Variants in DNHD1 observed in about 807,000 individuals in gnomAD.
DNHD1 encodes the protein dynein heavy chain domain 1, also known as dynein heavy chain domain-containing protein 1.
In DNHD1, 383 loss-of-function variants were observed where a neutral mutation model predicts 458.1. That is an observed-to-expected ratio of 0.84 (90% CI 0.77 to 0.91). The LOEUF (loss-of-function observed/expected upper bound fraction) is 0.91. DNHD1 is among the 40% of genes least tolerant of loss of function. The pLI, the probability that DNHD1 is intolerant of heterozygous loss-of-function variation, is 0.00. For synonymous variants in DNHD1, 2,203 were observed against 2,376.9 expected (o/e 0.93, Z 2.13); for missense variants, 5,336 against 5,866.1 (o/e 0.91, Z 2.95).
chr11:6,571,799 GC>G lies in DNHD1; in HGVS notation c.14076del (p.Thr4693ProfsTer10). ...PPVSISTQAP[G>X]TSDLPAPADL... ...GTCAGCATCAGCACACAGGCCCCGG[GC>G]ACCAGTGACCTGCCAGCCCCAGCCG... On this transcript the variant is annotated frameshift_variant, in exon 43 of 43. Transcript: ENST00000254579. LOFTEE classifies it high-confidence loss of function. This position sits in a 1 kb window ranked among gnomAD's most constrained non-coding sequence, Gnocchi z 5.0. 2 of 1,613,946 alleles carry G rather than the reference GC, an allele frequency of 1.2e-6. No individual in the cohort carries two copies. Among genetic ancestry groups the G allele is most frequent in the Non-Finnish European group, 1.7e-6 (2 of 1,179,876 alleles).
At chr11:6,547,806 T>G in intron 21 of DNHD1, 57 bp from the exon 22 acceptor site, 1 of 1,542,720 alleles carries the variant, frequency 6.5e-7, no homozygotes, top group South Asian at 1.2e-5. Context: ...TTTTCTTTCT[T>G]TCACCTTCCA....
intron 33 of DNHD1, 31 bp downstream of exon 33, chr11:6,566,022 C>CT: frequency 6.5e-7 from 1 of 1,547,690 alleles, no homozygotes. Context: ...ACCCTGGCCC[C>CT]TTTTTGACTT....
At chr11:6,539,737 C>T in intron 17 of DNHD1, 139 bp from the exon 18 acceptor site, 1 of 760,602 alleles carries the variant, frequency 1.3e-6, no homozygotes. Context: ...TGGTCCCACT[C>T]TCGCTTCATC....
At chr11:6,517,201 CTTGATAGATGTATACA>C (rs1852492368) in intron 7 of DNHD1, among the ~76,000 whole-genome samples, 1 of 152,184 alleles carries the variant, frequency 6.6e-6, no homozygotes, top group Non-Finnish European at 1.5e-5. Flanking sequence ...AATGTGATGA[CTTGATAGATGTATACA>C]TTGTGTAATG....
chr11:6,557,642 G>A lies in DNHD1; in HGVS notation c.8347G>A (p.Val2783Ile). The change falls in exon 25 of 43, where the codon GTA becomes ATA. Residue 2783 changes from valine (V) to isoleucine (I), a missense_variant. Val to Ile is a conservative substitution (Grantham distance 29, BLOSUM62 3). Coordinates refer to ENST00000254579, the MANE Select transcript of DNHD1 (RefSeq NM_144666.3). ...GTRASNYRLQ[V>I]RRSFKTWWQK... ...AAGGGCATCCAACTATAGGCTCCAG[G>A]TAAGGAGATCATTCAAGACTTGGTG... is the stretch of plus-strand genomic sequence containing the variant. 6.4e-7 allele frequency: 1 copy of A among 1,551,734 alleles called. No homozygotes were observed. Among genetic ancestry groups the A allele is most frequent in the Non-Finnish European group, 8.7e-7 (1 of 1,146,994 alleles).
chr11:6,569,000 G>T (rs1051950120), intron 39 of DNHD1, 134 bp downstream of exon 39: 27 of 1,117,766 alleles, frequency 2.4e-5, no homozygotes, highest in Non-Finnish European at 3.1e-5. Flanking sequence ...GTCAAGGAAG[G>T]CTTCTCCAAA....
Position 6,568,858 on chromosome 11 carries a change from G to A in DNHD1, c.12855G>A (p.Arg4285=). 1.2e-6 allele frequency: 2 copies of A among 1,609,194 alleles called. No homozygotes were observed. Among genetic ancestry groups the A allele is most frequent in the Non-Finnish European group, 8.5e-7 (1 of 1,178,092 alleles). Residue 4285 remains arginine (R), a synonymous_variant, in exon 39 of 43, where the codon AGG becomes AGA. Coordinates refer to ENST00000254579, the MANE Select transcript of DNHD1 (RefSeq NM_144666.3). ...QLYGTRLQAH[R]GRWSQVTLTQ... ...ATGGAACAAGGCTGCAGGCACACAG[G>A]GGGCGCTGGTGAGGGACCCCCACCC... is the stretch of plus-strand genomic sequence containing the variant.
chr11:6,502,827 C>A lies in DNHD1; in HGVS notation c.821C>A (p.Ser274Tyr), dbSNP rs1387945941. Residue 274 changes from serine to tyrosine, a missense_variant, in exon 4 of 43, where the codon TCC becomes TAC. Ser to Tyr is a moderately radical substitution (Grantham distance 144, BLOSUM62 -2). This residue lies in a region of DNHD1 where 3,932 missense variants were observed against 4,365.6 expected (regional missense o/e 0.90). Coordinates refer to ENST00000254579, the MANE Select transcript of DNHD1 (RefSeq NM_144666.3). Reference protein sequence around the residue: ...KSSTGFSPETSFLDSQVMTAL... With the variant: ...KSSTGFSPETYFLDSQVMTAL... ...AGCACCGGCTTTTCACCTGAGACTT[C>A]CTTCCTGGATAGCCAGGTGATGACT... The A allele has an allele frequency of 6.2e-7, 1 of 1,613,156 alleles. No individual in the cohort carries two copies. Among genetic ancestry groups the A allele is most frequent in the South Asian group, 1.1e-5 (1 of 90,826 alleles).
Position 6,558,989 on chromosome 11 carries a change from A to C in DNHD1, c.9299A>C (p.His3100Pro). Reference sequence around the variant, plus strand: ...ATCCACCTTTCGGCCACCCACTACCATGAGCACCTGTGCCCTGCATTGCCA... The same window carrying C: ...ATCCACCTTTCGGCCACCCACTACCCTGAGCACCTGTGCCCTGCATTGCCA... ...ALIHLSATHY[H>P]EHLCPALPLV... Residue 3100 changes from histidine (H) to proline (P), a missense_variant, in exon 27 of 43, where the codon CAT becomes CCT. Physicochemically the swap from His to Pro is moderately conservative, Grantham distance 77. Coordinates refer to ENST00000254579, the MANE Select transcript of DNHD1 (RefSeq NM_144666.3). The C allele has an allele frequency of 6.4e-7, 1 of 1,551,618 alleles. No individual in the cohort carries two copies. Among genetic ancestry groups the C allele is most frequent in the African/African-American group, 1.4e-5 (1 of 73,144 alleles).
rs1853639268 is a variant in DNHD1, at chr11:6,563,990, A to G, written c.10150A>G (p.Met3384Val). The part of the protein sequence containing the change: ...TLEHNLALAK[M>V]VEDAQASHNC... Reference sequence around the variant, plus strand: ...GGAGCATAATTTGGCCCTGGCTAAGATGGTGGAGGATGCCCAAGCTTCCCA... The same window carrying G: ...GGAGCATAATTTGGCCCTGGCTAAGGTGGTGGAGGATGCCCAAGCTTCCCA... The change falls in exon 31 of 43, where the codon ATG (methionine) becomes GTG (valine). Residue 3384 changes from methionine to valine, a missense_variant. Physicochemically the swap from Met to Val is conservative, Grantham distance 21. Coordinates refer to ENST00000254579, the MANE Select transcript of DNHD1 (RefSeq NM_144666.3). 6.4e-7 allele frequency: 1 copy of G among 1,551,744 alleles called. No homozygotes were observed. Among genetic ancestry groups the G allele is most frequent in the Non-Finnish European group, 8.7e-7 (1 of 1,147,004 alleles).
intron 28 of DNHD1, among the ~76,000 whole-genome samples, chr11:6,562,404 A>T (rs1189980085): frequency 6.6e-6 from 1 of 152,192 alleles, no homozygotes; most frequent in African/African-American, 2.4e-5. Context: ...AATACACGGT[A>T]TGGGGCAGGG....
Position 6,567,808 on chromosome 11 carries a change from C to A in DNHD1, c.12299C>A (p.Ala4100Asp). 6.2e-7 allele frequency: 1 copy of A among 1,613,608 alleles called. No homozygotes were observed. Among genetic ancestry groups the A allele is most frequent in the Non-Finnish European group, 8.5e-7 (1 of 1,179,882 alleles). ...ILLPPPGHPSATLHPLTVIQK... is the reference protein window; with the variant it reads ...ILLPPPGHPSDTLHPLTVIQK... ...TTGCCACCGCCTGGCCACCCCTCAG[C>A]CACTCTGCATCCTCTGACTGTCATC... The change falls in exon 36 of 43, where the codon GCC becomes GAC. Residue 4100 changes from alanine (A) to aspartate (D), a missense_variant. Transcript: ENST00000254579.
In DNHD1 at chr11:6,528,641, T is replaced by G. The variant is rs1301044961; in HGVS notation, c.1957T>G (p.Ser653Ala). 7.7e-6 allele frequency: 12 copies of G among 1,551,644 alleles called. No individual in the cohort carries two copies. Among genetic ancestry groups the G allele is most frequent in the Non-Finnish European group, 8.7e-6 (10 of 1,146,980 alleles). ...TGTGGGATTGGTGTGGCCCTGGAAGTCTCACCCAATTGCTGGTATCTTGGA... is the reference window on the plus strand; with the variant it reads ...TGTGGGATTGGTGTGGCCCTGGAAGGCTCACCCAATTGCTGGTATCTTGGA... The part of the protein sequence containing the change: ...PNVGLVWPWK[S>A]HPIAGILEVR... The change falls in exon 11 of 43, where the codon TCT becomes GCT. Residue 653 changes from serine to alanine, a missense_variant. This residue lies in a region of DNHD1 where 3,932 missense variants were observed against 4,365.6 expected (regional missense o/e 0.90). Coordinates refer to ENST00000254579, the MANE Select transcript of DNHD1 (RefSeq NM_144666.3).
In DNHD1 at chr11:6,547,590, T is replaced by A. The variant is rs1186260469; in HGVS notation, c.6651T>A (p.Val2217=). 1.3e-6 allele frequency: 2 copies of A among 1,548,748 alleles called. No individual in the cohort carries two copies. Among genetic ancestry groups the A allele is most frequent in the South Asian group, 2.4e-5 (2 of 83,974 alleles). The part of the protein sequence containing the change: ...QQAVCAGVAE[V]TSMARILHSL... Reference sequence around the variant, plus strand: ...CTGTTTGTGCAGGTGTGGCAGAAGTTACCAGCATGGCACGCATCTTGCATA... The same window carrying A: ...CTGTTTGTGCAGGTGTGGCAGAAGTAACCAGCATGGCACGCATCTTGCATA... The change falls in exon 21 of 43, where the codon GTT becomes GTA. Residue 2217 remains valine (V), a synonymous_variant. Coordinates refer to ENST00000254579, the MANE Select transcript of DNHD1 (RefSeq NM_144666.3).
Position 6,563,106 on chromosome 11 carries a change from C to G in DNHD1, c.9644C>G (p.Ala3215Gly), listed in dbSNP as rs534627040. Residue 3215 changes from alanine to glycine, a missense_variant, in exon 29 of 43, where the codon GCT becomes GGT. Physicochemically the swap from Ala to Gly is moderately conservative, Grantham distance 60. Around this residue, in one of 4 missense-constraint regions of DNHD1, gnomAD observed 3,932 missense variants for 4,365.6 expected, o/e 0.90. Coordinates refer to ENST00000254579, the MANE Select transcript of DNHD1 (RefSeq NM_144666.3). ...NLARQRDALQ[A>G]QREAFLEQMS... The stretch of plus-strand genomic sequence containing the variant: ...GCCAGGCAACGGGATGCCCTGCAAG[C>G]TCAGCGAGAGGCTTTCCTGGAGCAG... 1.7e-5 allele frequency: 27 copies of G among 1,551,672 alleles called. No individual in the cohort carries two copies. In the African/African-American group the frequency reaches 2.9e-4, roughly 17 times the overall value.
rs1352937422 is a variant in DNHD1, at chr11:6,571,868, T to C, written c.14144T>C (p.Leu4715Pro). 3.7e-6 allele frequency: 6 copies of C among 1,613,886 alleles called. No individual in the cohort carries two copies. The Admixed American group carries it at 1.0e-4, about 27-fold the overall frequency. ...TGTCCTGTGTACATGGGAGGGCCCC[T>C]TGGCACCGCTAAGCTGCAGAGCAGG... ...YSCPVYMGGP[L>P]GTAKLQSRNI... The change falls in exon 43 of 43, where the codon CTT (leucine) becomes CCT (proline). Residue 4715 changes from leucine to proline, a missense_variant. Leu to Pro is a moderately conservative substitution (Grantham distance 98, BLOSUM62 -3). Coordinates refer to ENST00000254579, the MANE Select transcript of DNHD1 (RefSeq NM_144666.3). The surrounding 1 kb of genome is among the most constrained non-coding windows in gnomAD (Gnocchi z 5.0).
At chr11:6,519,907 C>T in intron 8 of DNHD1, 53 bp downstream of exon 8, 1 of 1,612,898 alleles carries the variant, frequency 6.2e-7, no homozygotes, top group Non-Finnish European at 8.5e-7. Flanking sequence ...GGGCCAGATG[C>T]TGAGGAATGT....
chr11:6,528,624 T>G lies in DNHD1; in HGVS notation c.1940T>G (p.Leu647Trp). 6.4e-7 allele frequency: 1 copy of G among 1,551,736 alleles called. No homozygotes were observed. Among genetic ancestry groups the G allele is most frequent in the African/African-American group, 1.4e-5 (1 of 73,182 alleles). Residue 647 changes from leucine (L) to tryptophan (W), a missense_variant, in exon 11 of 43, where the codon TTG becomes TGG. Transcript: ENST00000254579. ...VSIFCGPNVG[L>W]VWPWKSHPIA... ...ATCTTCTGTGGCCCGAATGTGGGAT[T>G]GGTGTGGCCCTGGAAGTCTCACCCA... is the stretch of plus-strand genomic sequence containing the variant.
chr11:6,541,187 T>A (rs536787580), intron 18 of DNHD1, among the ~76,000 whole-genome samples: 2 of 152,306 alleles, frequency 1.3e-5, no homozygotes, highest in East Asian at 3.9e-4. Flanking sequence ...CTATGTGACT[T>A]TTCCAGGTTT....
Sources: allele counts gnomAD v4.1 joint callset (sites outside exome capture counted in the v4.1 genomes callset), GRCh38; gene constraint gnomAD v4.1.1; regional missense constraint gnomAD v4.1.1; non-coding constraint Gnocchi (gnomAD v3.1); transcripts MANE v1.5; gene names NCBI Gene and HGNC (gene_info 2026-07-23, HGNC 2026-07-21).